PALM2AKAP2: variants seen among roughly 807,000 people sequenced by gnomAD.
PALM2AKAP2 encodes PALM2 and AKAP2 fusion.
In PALM2AKAP2, 37 loss-of-function variants were observed where a neutral mutation model predicts 71.5. The ratio of observed to expected loss-of-function variants is 0.52; its 90% confidence interval spans 0.40 to 0.68. The LOEUF is 0.68. Ranked by LOEUF, PALM2AKAP2 falls within the 30% of genes least tolerant of loss-of-function variation. The pLI, the probability that PALM2AKAP2 is intolerant of heterozygous loss-of-function variation, is 0.00. For missense variants in PALM2AKAP2, 1,224 were observed against 1,191.8 expected (o/e 1.03, Z -0.40); for synonymous variants, 468 against 478.8 (o/e 0.98, Z 0.29).
At chr9:109,712,137 A>C (rs1828251753) in intron 1 of PALM2AKAP2, among the ~76,000 whole-genome samples, 1 of 152,196 alleles carries the variant, frequency 6.6e-6, no homozygotes, top group South Asian at 2.1e-4. Context: ...CCAATAAAAC[A>C]GGGGTAATAC....
At chr9:109,699,053 G>C (rs1828014562) in intron 1 of PALM2AKAP2, among the ~76,000 whole-genome samples, 1 of 152,204 alleles carries the variant, frequency 6.6e-6, no homozygotes, top group Non-Finnish European at 1.5e-5. Context: ...ATGACAACTT[G>C]ATTGCAGCAC....
At chr9:109,655,126 T>C (rs1564102729) in intron 1 of PALM2AKAP2, among the ~76,000 whole-genome samples, 1 of 152,136 alleles carries the variant, frequency 6.6e-6, no homozygotes, top group Admixed American at 6.5e-5. Context: ...TCACCATGTC[T>C]CTACTAAAAG....
At chr9:109,860,431 G>A (rs1587966641) in intron 1 of PALM2AKAP2, among the ~76,000 whole-genome samples, 1 of 152,006 alleles carries the variant, frequency 6.6e-6, no homozygotes, top group Non-Finnish European at 1.5e-5. Context: ...CTTATTTCTT[G>A]GTGTAACCCA....
intron 3 of PALM2AKAP2, among the ~76,000 whole-genome samples, chr9:109,891,356 C>T (rs1385023164): frequency 3.3e-5 from 5 of 152,190 alleles, no homozygotes; most frequent in Non-Finnish European, 7.3e-5. Flanking sequence ...CTCCACGTGC[C>T]TCCTTCTTGT....
chr9:110,139,068 G>A (rs1024347646), intron 2 of PALM2AKAP2, among the ~76,000 whole-genome samples: 30 of 152,284 alleles, frequency 2.0e-4, no homozygotes, highest in African/African-American at 5.8e-4. Context: ...TTCATCTTCC[G>A]TGTAACTGGG....
intron 1 of PALM2AKAP2, among the ~76,000 whole-genome samples, chr9:110,082,624 A>C (rs1564294669): frequency 6.6e-6 from 1 of 152,194 alleles, no homozygotes; most frequent in South Asian, 2.1e-4. Flanking sequence ...ACAGGCATCT[A>C]CTTGCGCCCA....
intron 6 of PALM2AKAP2, among the ~76,000 whole-genome samples, chr9:110,002,505 G>C (rs970345736): frequency 3.3e-5 from 5 of 151,962 alleles, no homozygotes; most frequent in African/African-American, 9.7e-5. Flanking sequence ...TTTTTGTTGT[G>C]TCTCTGCCAG....
At chr9:109,651,024 G>A (rs1246935064) in intron 1 of PALM2AKAP2, among the ~76,000 whole-genome samples, 2 of 152,138 alleles carry the variant, frequency 1.3e-5, no homozygotes, top group East Asian at 3.9e-4. Flanking sequence ...ATCTGGTGAT[G>A]TTCTCCATCT....
At chr9:109,722,200 A>C (rs909310000) in intron 1 of PALM2AKAP2, among the ~76,000 whole-genome samples, 1 of 152,250 alleles carries the variant, frequency 6.6e-6, no homozygotes, top group African/African-American at 2.4e-5. Context: ...GCTGTTAAAA[A>C]GGAAATTATT....
intron 6 of PALM2AKAP2, among the ~76,000 whole-genome samples, chr9:109,939,618 T>C (rs948551924): frequency 6.6e-6 from 1 of 152,248 alleles, no homozygotes; most frequent in South Asian, 2.1e-4. Context: ...TGATAAGATA[T>C]ATTCTAATCC....
intron 1 of PALM2AKAP2, among the ~76,000 whole-genome samples, chr9:109,724,204 A>G (rs534071209): frequency 3.3e-5 from 5 of 152,332 alleles, no homozygotes; most frequent in Admixed American, 6.5e-5. Flanking sequence ...ACATCTTTAA[A>G]AACAATAAAA....
At chr9:109,826,374 TAAATA>T (rs1459448132) in intron 1 of PALM2AKAP2, among the ~76,000 whole-genome samples, 1 of 152,024 alleles carries the variant, frequency 6.6e-6, no homozygotes, top group African/African-American at 2.4e-5. Flanking sequence ...TAAAAATAAA[TAAATA>T]AATAAATAAA....
chr9:110,151,852 A>G (rs1460774469), intron 2 of PALM2AKAP2, among the ~76,000 whole-genome samples: 2 of 152,342 alleles, frequency 1.3e-5, no homozygotes, highest in South Asian at 2.1e-4. Flanking sequence ...AGGGCTGGCC[A>G]TCAGCCAAGA....
chr9:109,864,607 C>A (rs544110194), intron 1 of PALM2AKAP2, among the ~76,000 whole-genome samples: 8 of 152,260 alleles, frequency 5.3e-5, no homozygotes, highest in African/African-American at 1.9e-4. Context: ...TGGCCCACTA[C>A]CTGTGTTTGC....
At chr9:109,757,486 C>T (rs1828981416) in intron 1 of PALM2AKAP2, among the ~76,000 whole-genome samples, 1 of 152,064 alleles carries the variant, frequency 6.6e-6, no homozygotes, top group African/African-American at 2.4e-5. Flanking sequence ...GTGAAAAAAT[C>T]CAAAGGCAAA....
chr9:109,944,262 A>G (rs546398038), intron 6 of PALM2AKAP2: 2 of 152,326 alleles, frequency 1.3e-5, no homozygotes, highest in African/African-American at 4.8e-5. Context: ...ATTCTCTTAA[A>G]AAAATGTAAA....
chr9:109,691,911 CATATATATAT>C (rs1228934218), intron 1 of PALM2AKAP2, among the ~76,000 whole-genome samples: 1 of 60,120 alleles, frequency 1.7e-5, no homozygotes, highest in African/African-American at 7.0e-5. Context: ...TACACACACA[CATATATATAT>C]ATACACATAT....
chr9:109,828,882 A>T lies in PALM2AKAP2; in HGVS notation c.46-38609A>T, dbSNP rs558957530. On this transcript the variant is annotated intron_variant, in intron 1 of 9. Coordinates refer to the PALM2AKAP2 transcript ENST00000302798. The stretch of plus-strand genomic sequence containing the variant: ...TCAGAAACAGACTTAAAATAAGCTC[A>T]ATTCATTGTAATTAGAAAATGGATC... Among the ~76,000 whole-genome samples the T allele has an allele frequency of 5.2e-5, 8 of 152,406 alleles. No homozygotes were observed. In the South Asian group the frequency reaches 1.4e-3, roughly 28 times the overall value.
rs141005415 is a variant in PALM2AKAP2 at position 109,966,376 on chromosome 9, A to G, written c.496+34348A>G. On this transcript the variant is annotated intron_variant, in intron 6 of 9. Coordinates refer to the PALM2AKAP2 transcript ENST00000302798. ...AGAGGTGGCAAAGTGTTAAATGTTT[A>G]GCAGAATAGCTCAACCCTGGAGCCA... 1.5e-3 allele frequency among the ~76,000 whole-genome samples: 222 copies of G among 152,356 alleles called. 2 individuals carry two copies. The East Asian group carries it at 0.022, about 15-fold the overall frequency.
Sources: allele counts gnomAD v4.1 joint callset (sites outside exome capture counted in the v4.1 genomes callset), GRCh38; gene constraint gnomAD v4.1.1; transcripts MANE v1.5; gene names NCBI Gene and HGNC (gene_info 2026-07-23, HGNC 2026-07-21).